Variants in CELF2 observed in about 807,000 individuals in gnomAD.
CELF2 encodes the protein CUGBP Elav-like family member 2, also known as CUG triplet repeat RNA-binding protein 2.
A neutral mutation model predicts 62.6 loss-of-function variants in CELF2; 8 were observed. The observed-to-expected ratio is 0.13, with a 90% CI of 0.07 to 0.23. The LOEUF is 0.23. Ranked by LOEUF, CELF2 falls within the 10% of genes least tolerant of loss-of-function variation. The pLI, the probability that CELF2 is intolerant of heterozygous loss-of-function variation, is 1.00. For synonymous variants in CELF2, 258 were observed against 250.0 expected, an observed-to-expected ratio of 1.03 and a Z score of -0.30; for missense variants, 333 against 671.0, an observed-to-expected ratio of 0.50 and a Z score of 5.56.
Position 10,997,556 on chromosome 10 carries a change from T to C in CELF2, c.89+77557T>C, listed in dbSNP as rs2054089747. On this transcript the variant is annotated intron_variant, in intron 2 of 13. Coordinates refer to the CELF2 transcript ENST00000636488. The surrounding 1 kb of genome is among the most constrained non-coding windows in gnomAD (Gnocchi z 5.3). The stretch of plus-strand genomic sequence containing the variant: ...AGATCCCCAAGTGCACCAAAGGTCA[T>C]ATTCACGTTTGGATCCCAGATAATG... Among the ~76,000 whole-genome samples, 1 of 152,220 alleles carries C rather than the reference T, an allele frequency of 6.6e-6. No homozygotes were observed. Among genetic ancestry groups the C allele is most frequent in the South Asian group, 2.1e-4 (1 of 4,830 alleles).
At chr10:11,114,111 C>T (rs2055951443) in intron 1 of CELF2, among the ~76,000 whole-genome samples, 1 of 152,258 alleles carries the variant, frequency 6.6e-6, no homozygotes, top group South Asian at 2.1e-4. Flanking sequence ...TCTCCCTCTG[C>T]TTACTTTTTT....
chr10:10,962,037 G>GA (rs2049565855), intron 2 of CELF2, among the ~76,000 whole-genome samples: 1 of 151,880 alleles, frequency 6.6e-6, no homozygotes, highest in African/African-American at 2.4e-5. Context: ...GGACCAGCCT[G>GA]GGCAACATTA....
At chr10:10,752,932 G>A in the CELF2 span, among the ~76,000 whole-genome samples, 1 of 151,736 alleles carries the variant, frequency 6.6e-6, no homozygotes, top group African/African-American at 2.4e-5. Context: ...AACCAATATT[G>A]CACACGTTTA....
the CELF2 span, among the ~76,000 whole-genome samples, chr10:10,577,982 TAA>T: frequency 2.6e-5 from 4 of 152,204 alleles, no homozygotes; most frequent in Non-Finnish European, 5.9e-5. Flanking sequence ...ACCAACAGTG[TAA>T]AAGTGTTCCT....
chr10:10,979,649 C>T (rs1309628885), intron 2 of CELF2, among the ~76,000 whole-genome samples: 9 of 125,866 alleles, frequency 7.2e-5, no homozygotes, highest in Admixed American at 2.0e-4. Flanking sequence ...CCAGCCTGGG[C>T]GATAGAGCCA....
At chr10:10,698,160 A>C in the CELF2 span, among the ~76,000 whole-genome samples, 1 of 152,242 alleles carries the variant, frequency 6.6e-6, no homozygotes, top group Admixed American at 6.5e-5. Context: ...CAGTCAGTTT[A>C]TTTCGTAGAT....
chr10:10,632,441 GCACACACA>G, the CELF2 span, among the ~76,000 whole-genome samples: 1 of 149,262 alleles, frequency 6.7e-6, no homozygotes, highest in African/African-American at 2.5e-5. Context: ...ACAGACACAC[GCACACACA>G]CACACACACG....
chr10:11,064,810 G>C (rs1479119885), intron 1 of CELF2, among the ~76,000 whole-genome samples: 1 of 152,202 alleles, frequency 6.6e-6, no homozygotes, highest in Non-Finnish European at 1.5e-5. Context: ...TGCAGTCAGA[G>C]AGAAAAATCT....
chr10:11,335,975 A>C lies in CELF2; in HGVS notation c.*6922A>C, dbSNP rs1373405066. ...GTAAAGTTGGTCCCTGCTTAAATTC[A>C]TACCCATAGTTTTGAGTCGGTATGA... On this transcript the variant is annotated 3_prime_UTR_variant, in exon 13 of 13. Transcript: ENST00000633077. The surrounding 1 kb of genome is among the most constrained non-coding windows in gnomAD (Gnocchi z 5.0). 6.6e-6 allele frequency: 1 copy of C among 152,268 alleles called. No homozygotes were observed. The highest frequency in any genetic ancestry group is 1.5e-5 in the Non-Finnish European group (1 of 68,056). The allele number at this position is 152,268 out of a possible 1,614,324, so 9.4% of individuals were successfully genotyped here.
chr10:10,989,561 G>A (rs1440937664), intron 2 of CELF2, among the ~76,000 whole-genome samples: 1 of 151,846 alleles, frequency 6.6e-6, no homozygotes, highest in East Asian at 1.9e-4. Context: ...ATCGTGAATG[G>A]ATCAAATAGT....
chr10:10,797,123 A>G (rs2054187233), upstream of CELF2, among the ~76,000 whole-genome samples: 1 of 152,182 alleles, frequency 6.6e-6, no homozygotes, highest in Admixed American at 6.5e-5. Flanking sequence ...AAACTTCCTG[A>G]CAGTAAAAGT....
the CELF2 span, among the ~76,000 whole-genome samples, chr10:10,566,430 T>TAA: frequency 6.7e-6 from 1 of 148,164 alleles, no homozygotes; most frequent in Non-Finnish European, 1.5e-5. Context: ...TTTTTTTTTT[T>TAA]ATTATACTCT....
At chr10:10,596,657 G>A in the CELF2 span, among the ~76,000 whole-genome samples, 2 of 152,220 alleles carry the variant, frequency 1.3e-5, no homozygotes, top group Non-Finnish European at 2.9e-5. Flanking sequence ...CTTCTGGGGT[G>A]AGCGCCTGCA....
Position 11,257,621 on chromosome 10 carries a change from T to C in CELF2, c.404-117T>C, listed in dbSNP as rs778397674. ...CAGCTGGACGTCTGCAGAGTTGGCC[T>C]TGGGACACGTGCTTGGTCTCACATG... On this transcript the variant is annotated intron_variant, in intron 4 of 12. Transcript: ENST00000633077. 202 of 1,181,724 alleles carry C rather than the reference T, an allele frequency of 1.7e-4. No homozygotes were observed. The Middle Eastern group carries it at 2.8e-3, about 16-fold the overall frequency. The allele number at this position is 1,181,724 out of a possible 1,614,324, so 73.2% of individuals were successfully genotyped here. A position where few individuals can be genotyped will look rare whatever the true frequency, so the allele number is the denominator to read the frequency against.
At chr10:11,228,215 T>C (rs2067271937) in intron 3 of CELF2, among the ~76,000 whole-genome samples, 1 of 152,198 alleles carries the variant, frequency 6.6e-6, no homozygotes, top group African/African-American at 2.4e-5. Flanking sequence ...CAAGTAATTT[T>C]AATGAAATAA....
At chr10:11,205,057 G>A (rs535771722) in intron 2 of CELF2, among the ~76,000 whole-genome samples, 1 of 152,300 alleles carries the variant, frequency 6.6e-6, no homozygotes, top group East Asian at 1.9e-4. Flanking sequence ...AGAAAGTCAT[G>A]AAAATGATTA....
chr10:11,058,627 T>C (rs2065945452), intron 1 of CELF2, among the ~76,000 whole-genome samples: 1 of 151,668 alleles, frequency 6.6e-6, no homozygotes, highest in African/African-American at 2.4e-5. Flanking sequence ...CCACCACACC[T>C]GGCTAATTTT....
At chr10:10,696,036 T>C in the CELF2 span, among the ~76,000 whole-genome samples, 3 of 152,090 alleles carry the variant, frequency 2.0e-5, no homozygotes, top group East Asian at 5.8e-4. Context: ...CCAGCTTTGT[T>C]CCGTTGCTGG....
the CELF2 span, among the ~76,000 whole-genome samples, chr10:10,509,831 T>C: frequency 6.6e-6 from 1 of 152,186 alleles, no homozygotes; most frequent in Admixed American, 6.5e-5. Flanking sequence ...CTACAGTACA[T>C]TGAGGGTGAA....
Sources: allele counts gnomAD v4.1 joint callset (sites outside exome capture counted in the v4.1 genomes callset), GRCh38; gene constraint gnomAD v4.1.1; non-coding constraint Gnocchi (gnomAD v3.1); transcripts MANE v1.5; gene names NCBI Gene and HGNC (gene_info 2026-07-23, HGNC 2026-07-21).